TTLL4: variants seen among roughly 807,000 people sequenced by gnomAD.
The protein encoded by TTLL4 is tubulin tyrosine ligase like 4, also known as tubulin monoglutamylase TTLL4.
Under a neutral mutation model 122.7 loss-of-function variants are expected in TTLL4, and 85 were observed. The ratio of observed to expected loss-of-function variants is 0.69; its 90% CI spans 0.58 to 0.83. The LOEUF is 0.83. TTLL4 is among the 40% of genes least tolerant of loss of function. The probability of loss-of-function intolerance (pLI) is 0.00; values close to 1 mark genes in which losing one functional copy is unlikely to be tolerated. For missense variants in TTLL4, 1,363 were observed against 1,488.6 expected (o/e 0.92, Z 1.39); for synonymous variants, 553 against 563.0 (o/e 0.98, Z 0.25).
At chr2:218,727,053 C>A (rs1040564463) in intron 1 of TTLL4, among the ~76,000 whole-genome samples, 1 of 152,130 alleles carries the variant, frequency 6.6e-6, no homozygotes, top group Non-Finnish European at 1.5e-5. Context: ...AAATGATCCA[C>A]CCACCTCGGC....
At position 218,749,275 on chromosome 2, in the gene TTLL4, C is replaced by T; in HGVS notation, c.2623C>T (p.Leu875=). ...CAGGTCAGAGCCCTATGTGACCAGC[C>T]TGCTCAAGATGTATGTGCGACGGCC... is the stretch of plus-strand genomic sequence containing the variant. The part of the protein sequence containing the change: ...IISSEPYVTS[L]LKMYVRRPYS... Residue 875 remains leucine (L), a synonymous_variant, in exon 14 of 20, where the codon CTG becomes TTG. Coordinates refer to ENST00000392102, the MANE Select transcript of TTLL4 (RefSeq NM_014640.5). 6.2e-7 allele frequency: 1 copy of T among 1,614,156 alleles called. No homozygotes were observed. Among genetic ancestry groups the T allele is most frequent in the Non-Finnish European group, 8.5e-7 (1 of 1,180,040 alleles).
chr2:218,746,513 A>C, intron 8 of TTLL4: 1 of 476,274 alleles, frequency 2.1e-6, no homozygotes. Flanking sequence ...TAACTCTGAA[A>C]TCCTGCAGTT....
intron 2 of TTLL4, among the ~76,000 whole-genome samples, chr2:218,735,484 G>A (rs1397935605): frequency 1.1e-4 from 16 of 152,090 alleles, no homozygotes. Context: ...TGAAGGGGGA[G>A]GATCATTTGA....
At chr2:218,757,321 C>G (rs1410218527), downstream of TTLL4, among the ~76,000 whole-genome samples, 2 of 152,204 alleles carry the variant, frequency 1.3e-5, no homozygotes, top group East Asian at 1.9e-4. Context: ...AGTGCACACA[C>G]AAACATCACC....
chr2:218,755,572 C>T (rs972643469), downstream of TTLL4, among the ~76,000 whole-genome samples: 1 of 152,184 alleles, frequency 6.6e-6, no homozygotes, highest in African/African-American at 2.4e-5. Flanking sequence ...TGAAGCCGTG[C>T]TCCTTCCTAA....
chr2:218,734,264 G>C (rs1279654867), intron 2 of TTLL4, among the ~76,000 whole-genome samples: 1 of 152,166 alleles, frequency 6.6e-6, no homozygotes, highest in Non-Finnish European at 1.5e-5. Context: ...GCCTAGCATG[G>C]TACCAGACAT....
At chr2:218,734,895 C>A (rs928510146) in intron 2 of TTLL4, among the ~76,000 whole-genome samples, 4 of 152,182 alleles carry the variant, frequency 2.6e-5, no homozygotes, top group Non-Finnish European at 4.4e-5. Context: ...CACAAACACA[C>A]GCTGTAATTG....
rs192158514 is a variant in TTLL4 at position 218,736,722 on chromosome 2, G to A, written c.-98-857G>A. Among the ~76,000 whole-genome samples the A allele has an allele frequency of 1.1e-3, 164 of 152,278 alleles. 1 individual carries two copies. Among genetic ancestry groups the A allele is most frequent in the African/African-American group, 3.6e-3 (150 of 41,546 alleles). On this transcript the variant is annotated intron_variant, in intron 2 of 19. Transcript: ENST00000392102. The stretch of plus-strand genomic sequence containing the variant: ...CTGTCTCAGCTCCAGAATAAACTCC[G>A]GGATCAGCAAGGGAATTCTCTTCTC...
intron 8 of TTLL4, 150 bp downstream of exon 8, chr2:218,746,381 G>A: frequency 1.3e-6 from 1 of 759,218 alleles, no homozygotes. Context: ...CAGGACGGGG[G>A]TACAGTGAGA....
intron 18 of TTLL4, 102 bp from the exon 19 acceptor site, chr2:218,753,482 C>T (rs887635882): frequency 1.7e-6 from 2 of 1,182,300 alleles, no homozygotes; most frequent in Admixed American, 1.7e-5. Flanking sequence ...GGGGAGAACC[C>T]CATGATCCAT....
intron 1 of TTLL4, among the ~76,000 whole-genome samples, chr2:218,715,226 A>G (rs1941823738): frequency 6.6e-6 from 1 of 152,236 alleles, no homozygotes; most frequent in South Asian, 2.1e-4. Flanking sequence ...TTTTGATTGA[A>G]TAATGAAAAT....
At chr2:218,714,036 A>G (rs1044530465) in intron 1 of TTLL4, among the ~76,000 whole-genome samples, 8 of 152,178 alleles carry the variant, frequency 5.3e-5, no homozygotes, top group African/African-American at 1.9e-4. Context: ...GTAGGTCTGG[A>G]GCTCACAAGA....
At chr2:218,749,929 G>C in intron 14 of TTLL4, 80 bp from the exon 15 acceptor site, 1 of 1,545,538 alleles carries the variant, frequency 6.5e-7, no homozygotes, top group Non-Finnish European at 8.7e-7. Flanking sequence ...AAGTAAATGA[G>C]ACTAGCCCTG....
At position 218,753,129 on chromosome 2, in the gene TTLL4, C is replaced by A. The variant is rs200243926; in HGVS notation, c.3202C>A (p.Arg1068=). 3 of 1,614,048 alleles carry A rather than the reference C, an allele frequency of 1.9e-6. No individual in the cohort carries two copies. In the South Asian group the frequency reaches 3.3e-5, roughly 18 times the overall value. ...GNKLKGVDLL[R]SWCYKGFHMG... is the part of the protein sequence containing the mutation. Reference sequence around the variant, plus strand: ...TCTTGTCCTAGGAGTAGATCTGCTCCGGAGTTGGTGCTACAAAGGGTTCCA... The same window carrying A: ...TCTTGTCCTAGGAGTAGATCTGCTCAGGAGTTGGTGCTACAAAGGGTTCCA... The change falls in exon 18 of 20, where the codon CGG becomes AGG. Residue 1068 remains arginine (R), a synonymous_variant. Coordinates refer to ENST00000392102, the MANE Select transcript of TTLL4 (RefSeq NM_014640.5).
chr2:218,750,541 TA>T (rs5838708), intron 15 of TTLL4, among the ~76,000 whole-genome samples: 66 of 146,508 alleles, frequency 4.5e-4, no homozygotes, highest in Non-Finnish European at 5.4e-4. Flanking sequence ...ATGTTGTTTC[TA>T]AAAAAAAAAA....
intron 1 of TTLL4, among the ~76,000 whole-genome samples, chr2:218,723,163 A>G (rs942103622): frequency 6.6e-6 from 1 of 152,224 alleles, no homozygotes; most frequent in Non-Finnish European, 1.5e-5. Context: ...AACAGATAAC[A>G]TGTTCTTTTC....
intron 2 of TTLL4, among the ~76,000 whole-genome samples, chr2:218,734,573 A>G (rs1653915625): frequency 6.6e-6 from 1 of 152,192 alleles, no homozygotes; most frequent in African/African-American, 2.4e-5. Flanking sequence ...TGGGTGAAGA[A>G]GAAGAAAGGG....
Position 218,737,653 on chromosome 2 carries a change from G to A in TTLL4, c.-24G>A, listed in dbSNP as rs773070468. On this transcript the variant is annotated 5_prime_UTR_variant, in exon 3 of 20. It adds an upstream start codon to the 5' untranslated region. Coordinates refer to ENST00000392102, the MANE Select transcript of TTLL4 (RefSeq NM_014640.5). ...CTTACCTCAGCAAGGCCATGAGACC[G>A]TGTGGCCATGATGTGGGCCCCTCAT... The A allele has an allele frequency of 6.4e-6, 10 of 1,554,476 alleles. No individual in the cohort carries two copies. Among genetic ancestry groups the A allele is most frequent in the Admixed American group, 3.8e-5 (2 of 52,342 alleles).
At chr2:218,714,280 A>G (rs1941795582) in intron 1 of TTLL4, among the ~76,000 whole-genome samples, 2 of 152,186 alleles carry the variant, frequency 1.3e-5, no homozygotes, top group Admixed American at 1.3e-4. Flanking sequence ...GCAGAAATGA[A>G]TGTGTGAATA....
Sources: allele counts gnomAD v4.1 joint callset (sites outside exome capture counted in the v4.1 genomes callset), GRCh38; gene constraint gnomAD v4.1.1; transcripts MANE v1.5; gene names NCBI Gene and HGNC (gene_info 2026-07-23, HGNC 2026-07-21).